The following CNTN5 variants were observed in gnomAD, a reference collection of about 807,000 sequenced individuals.
CNTN5 encodes the protein contactin 5.
In CNTN5, 77 loss-of-function variants were observed where a neutral mutation model predicts 129.1. The ratio of observed to expected loss-of-function variants is 0.60; its 90% CI spans 0.50 to 0.72. CNTN5 has a LOEUF of 0.72. CNTN5 is among the 30% of genes least tolerant of loss of function. The pLI is 0.00. For missense variants in CNTN5, 1,478 were observed against 1,328.8 expected, an observed-to-expected ratio of 1.11 and a Z score of -1.75; for synonymous variants, 509 against 465.6, an observed-to-expected ratio of 1.09 and a Z score of -1.20.
intron 2 of CNTN5, among the ~76,000 whole-genome samples, chr11:99,497,054 A>G (rs1004372311): frequency 2.6e-5 from 4 of 152,220 alleles, no homozygotes; most frequent in African/African-American, 9.6e-5. Flanking sequence ...AGCACTTCCT[A>G]TATCACAGCC....
chr11:99,889,323 TGTGTGTGTGTGTGTG>T (rs1948990251), intron 6 of CNTN5, among the ~76,000 whole-genome samples: 31 of 144,512 alleles, frequency 2.1e-4, no homozygotes, highest in African/African-American at 3.1e-4. Context: ...TGTGTGTGTG[TGTGTGTGTGTGTGTG>T]TGTGTGTGTG....
At chr11:99,827,852 A>G (rs1947015139) in intron 4 of CNTN5, among the ~76,000 whole-genome samples, 4 of 152,212 alleles carry the variant, frequency 2.6e-5, no homozygotes, top group African/African-American at 2.4e-5. Context: ...TCTCTCGACT[A>G]TTTTTCTTTG....
chr11:99,255,838 G>A (rs549638651), intron 1 of CNTN5, among the ~76,000 whole-genome samples: 134 of 149,652 alleles, frequency 9.0e-4, no homozygotes, highest in African/African-American at 2.8e-3. Flanking sequence ...ACATGCACAC[G>A]CACACACACA....
rs750934514 is a variant in CNTN5, at chr11:99,845,210, A to G, written c.525A>G (p.Ala175=). ...ATTCTGGTCATTATCAGTGTTTAGC[A>G]ACCAACACTGTGGGGAGTATTCTTA... ...AKDSGHYQCL[A]TNTVGSILSR... is the part of the protein sequence containing the mutation. The change falls in exon 6 of 25, where the codon GCA becomes GCG. Residue 175 remains alanine, a synonymous_variant. Coordinates refer to ENST00000524871, the MANE Select transcript of CNTN5 (RefSeq NM_014361.4). 6.2e-7 allele frequency: 1 copy of G among 1,613,626 alleles called. No individual in the cohort carries two copies. The highest frequency in any genetic ancestry group is 1.1e-5 in the South Asian group (1 of 91,076).
chr11:99,855,472 A>C (rs1355756519), intron 6 of CNTN5, among the ~76,000 whole-genome samples: 7 of 152,190 alleles, frequency 4.6e-5, no homozygotes, highest in South Asian at 2.1e-4. Flanking sequence ...CTCAAATTAA[A>C]GTACTAGGTA....
At chr11:99,778,037 A>G (rs1399520633) in intron 3 of CNTN5, among the ~76,000 whole-genome samples, 3 of 151,876 alleles carry the variant, frequency 2.0e-5, no homozygotes, top group East Asian at 3.9e-4. Context: ...TTATATAACC[A>G]TATATGACTC....
chr11:100,024,355 T>C (rs1941305261), intron 9 of CNTN5, among the ~76,000 whole-genome samples: 1 of 152,152 alleles, frequency 6.6e-6, no homozygotes, highest in Admixed American at 6.5e-5. Flanking sequence ...CAATTAAACC[T>C]CTTTCCTTTA....
chr11:99,608,769 T>C (rs1950509707), intron 3 of CNTN5, among the ~76,000 whole-genome samples: 1 of 152,182 alleles, frequency 6.6e-6, no homozygotes, highest in Admixed American at 6.6e-5. Flanking sequence ...GTAAACTTAA[T>C]CATCTAGCTT....
At chr11:99,799,000 C>T in intron 3 of CNTN5, among the ~76,000 whole-genome samples, 1 of 151,796 alleles carries the variant, frequency 6.6e-6, no homozygotes, top group Non-Finnish European at 1.5e-5. Context: ...AGAGATATTC[C>T]TAGGTATTTT....
intron 7 of CNTN5, among the ~76,000 whole-genome samples, chr11:99,924,915 C>G (rs1031171525): frequency 5.3e-5 from 8 of 151,992 alleles, no homozygotes; most frequent in African/African-American, 1.2e-4. Context: ...ATTTCTGGCT[C>G]TATGAAATAC....
intron 1 of CNTN5, among the ~76,000 whole-genome samples, chr11:99,064,368 G>T (rs189498868): frequency 2.1e-4 from 32 of 152,196 alleles, no homozygotes; most frequent in African/African-American, 7.2e-4. Flanking sequence ...CTAAATATTA[G>T]AATCCTTAAT....
At chr11:99,776,252 C>T (rs1945120145) in intron 3 of CNTN5, among the ~76,000 whole-genome samples, 1 of 151,908 alleles carries the variant, frequency 6.6e-6, no homozygotes, top group African/African-American at 2.4e-5. Flanking sequence ...ACACAGCATC[C>T]TGTAGGAGTA....
At chr11:99,892,805 A>G (rs1949099260) in intron 6 of CNTN5, among the ~76,000 whole-genome samples, 1 of 152,146 alleles carries the variant, frequency 6.6e-6, no homozygotes, top group African/African-American at 2.4e-5. Context: ...TGCCTTGGCT[A>G]TGTGGGCTCT....
intron 2 of CNTN5, among the ~76,000 whole-genome samples, chr11:99,471,951 C>T (rs762035956): frequency 2.6e-5 from 4 of 151,988 alleles, no homozygotes; most frequent in Non-Finnish European, 5.9e-5. Flanking sequence ...AATTAAGTTT[C>T]TATATGTCAC....
intron 1 of CNTN5, among the ~76,000 whole-genome samples, chr11:99,290,626 C>A (rs1366895843): frequency 6.6e-6 from 1 of 151,754 alleles, no homozygotes; most frequent in Non-Finnish European, 1.5e-5. Flanking sequence ...TAGCAACTGG[C>A]AATTTATTTT....
At chr11:99,261,328 C>T (rs1339064728) in intron 1 of CNTN5, among the ~76,000 whole-genome samples, 1 of 151,874 alleles carries the variant, frequency 6.6e-6, no homozygotes, top group East Asian at 1.9e-4. Flanking sequence ...ATAAGGGCAA[C>T]AAAATAGAAA....
rs1947206192 is a variant in CNTN5, at chr11:99,833,376, G to A, written c.278-11476G>A. Among the ~76,000 whole-genome samples the A allele has an allele frequency of 2.6e-5, 4 of 152,122 alleles. No individual in the cohort carries two copies. In the South Asian group the frequency reaches 8.3e-4, roughly 31 times the overall value. ...TTTTTAACTTTATGATGGTGTGAAA[G>A]TGATATGCATTCAGTAGAAACCATA... is the stretch of plus-strand genomic sequence containing the variant. On this transcript the variant is annotated intron_variant, in intron 4 of 24. Transcript: ENST00000524871.
chr11:99,900,290 C>T (rs560729732), intron 6 of CNTN5, among the ~76,000 whole-genome samples: 1 of 150,752 alleles, frequency 6.6e-6, no homozygotes, highest in East Asian at 2.0e-4. Flanking sequence ...TTGAGATGCA[C>T]CACTAGGTTT....
intron 13 of CNTN5, among the ~76,000 whole-genome samples, chr11:100,172,601 A>G (rs932055546): frequency 6.6e-6 from 1 of 152,026 alleles, no homozygotes; most frequent in African/African-American, 2.4e-5. Context: ...AGAGAATGAT[A>G]AGTAATGTAT....
Sources: allele counts gnomAD v4.1 joint callset (sites outside exome capture counted in the v4.1 genomes callset), GRCh38; gene constraint gnomAD v4.1.1; transcripts MANE v1.5; gene names NCBI Gene and HGNC (gene_info 2026-07-23, HGNC 2026-07-21).